Variants in PCDH11X observed in about 807,000 individuals in gnomAD.
PCDH11X encodes protocadherin 11 X-linked, also known as protocadherin-11 X-linked.
PCDH11X carries 18 observed loss-of-function variants against 53.3 expected under a neutral mutation model. The ratio of observed to expected loss-of-function variants is 0.34; its 90% CI spans 0.23 to 0.50. The LOEUF is 0.50. PCDH11X is among the 20% of genes least tolerant of loss of function. PCDH11X has a pLI of 0.98. For synonymous variants in PCDH11X, 279 were observed against 393.3 expected (o/e 0.71, Z 3.44); for missense variants, 570 against 1,032.4 (o/e 0.55, Z 6.14).
chrX:91,950,569 T>A (rs1362441183), intron 6 of PCDH11X, among the ~76,000 whole-genome samples: 3 of 85,204 alleles, frequency 3.5e-5, no homozygotes, highest in Non-Finnish European at 6.5e-5. Context: ...TAAATGTGAT[T>A]GATATATATA....
intron 4 of PCDH11X, among the ~76,000 whole-genome samples, chrX:91,814,883 G>GC (rs1936405794): frequency 9.4e-6 from 1 of 105,847 alleles, no homozygotes; most frequent in Non-Finnish European, 1.9e-5. Context: ...GATTAGACTT[G>GC]TCTTTGTGAG....
chrX:91,957,755 A>T (rs1200237802), intron 6 of PCDH11X, among the ~76,000 whole-genome samples: 30 of 109,011 alleles, frequency 2.8e-4, no homozygotes, highest in Non-Finnish European at 5.5e-4. Flanking sequence ...GAGATAAGGG[A>T]TCTGCCCCTA....
chrX:92,036,836 G>T (rs909279563), intron 6 of PCDH11X, among the ~76,000 whole-genome samples: 1 of 110,524 alleles, frequency 9.0e-6, no homozygotes, highest in Non-Finnish European at 1.9e-5. Context: ...CTTTGCCCAA[G>T]ATTCTGATAG....
At chrX:92,364,885 G>T (rs1338656278) in intron 8 of PCDH11X, among the ~76,000 whole-genome samples, 1 of 84,043 alleles carries the variant, frequency 1.2e-5, no homozygotes, top group Non-Finnish European at 2.2e-5. Context: ...CTCCACTCCA[G>T]CCTGGGAAAC....
intron 7 of PCDH11X, among the ~76,000 whole-genome samples, chrX:92,239,402 C>G (rs1299458259): frequency 1.8e-5 from 2 of 111,419 alleles, no homozygotes; most frequent in South Asian, 3.7e-4. Flanking sequence ...GAGAAATAAA[C>G]TGGTTTCAAA....
At position 92,365,391 on chromosome X, in the gene PCDH11X, CTGT is replaced by C. The variant is rs773580481; in HGVS notation, c.3145-22331_3145-22329del. On this transcript the variant is annotated intron_variant, in intron 8 of 10. Coordinates refer to ENST00000682573, the MANE Select transcript of PCDH11X (RefSeq NM_032968.5). ...CCACTGGCAGTGCAGTAGGTTTTTG[CTGT>C]TGTTGTTGTTGTATTGTTTTTTTAA... 9.5e-3 allele frequency among the ~76,000 whole-genome samples: 1,049 copies of C among 109,932 alleles called. 18 individuals carry two copies. Among genetic ancestry groups the C allele is most frequent in the African/African-American group, 0.034 (1,015 of 30,124 alleles).
At chrX:92,503,732 G>A (rs181725262) in intron 10 of PCDH11X, among the ~76,000 whole-genome samples, 6 of 110,399 alleles carry the variant, frequency 5.4e-5, no homozygotes, top group African/African-American at 2.0e-4. Context: ...GTAGGGTTGG[G>A]GAAGAGCATC....
intron 4 of PCDH11X, among the ~76,000 whole-genome samples, chrX:91,817,605 T>C (rs943579015): frequency 9.0e-6 from 1 of 111,342 alleles, no homozygotes; most frequent in African/African-American, 3.3e-5. Flanking sequence ...CTTAGCCTTA[T>C]TGGACAATTG....
chrX:91,877,836 A>G lies in PCDH11X; in HGVS notation c.1596A>G (p.Lys532=), dbSNP rs762762024. 3.3e-6 allele frequency: 4 copies of G among 1,211,680 alleles called. No individual in the cohort carries two copies. The highest frequency in any genetic ancestry group is 2.2e-5 in the Admixed American group (1 of 46,031). Residue 532 remains lysine, a synonymous_variant, in exon 6 of 11, where the codon AAA becomes AAG. Coordinates refer to ENST00000682573, the MANE Select transcript of PCDH11X (RefSeq NM_032968.5). The part of the protein sequence containing the change: ...LTVVKKLDRE[K]EDKYLFTILA... Reference sequence around the variant, plus strand: ...TAGTGAAGAAACTAGATAGAGAAAAAGAGGATAAATATTTATTCACAATTC... The same window carrying G: ...TAGTGAAGAAACTAGATAGAGAAAAGGAGGATAAATATTTATTCACAATTC...
At chrX:92,555,946 C>T (rs1030490557) in intron 10 of PCDH11X, among the ~76,000 whole-genome samples, 1 of 108,965 alleles carries the variant, frequency 9.2e-6, no homozygotes, top group African/African-American at 3.3e-5. Flanking sequence ...AGGAAACTCA[C>T]AATTATGGCA....
intron 6 of PCDH11X, among the ~76,000 whole-genome samples, chrX:92,010,555 C>T (rs1274605239): frequency 9.0e-6 from 1 of 110,733 alleles, no homozygotes; most frequent in African/African-American, 3.3e-5. Context: ...CTTTCATTAC[C>T]TCATTAATTC....
At chrX:92,172,976 A>G (rs994069703) in intron 6 of PCDH11X, among the ~76,000 whole-genome samples, 1 of 111,836 alleles carries the variant, frequency 8.9e-6, no homozygotes, top group Non-Finnish European at 1.9e-5. Context: ...GTGTTTTTTC[A>G]TAAAATGTCC....
At chrX:92,120,222 G>A (rs1348228688) in intron 6 of PCDH11X, among the ~76,000 whole-genome samples, 19 of 98,236 alleles carry the variant, frequency 1.9e-4, no homozygotes, top group African/African-American at 5.6e-4. Flanking sequence ...GTGCAGTGGC[G>A]TGATCTTGGC....
chrX:92,049,459 A>AT (rs1386582663), intron 6 of PCDH11X, among the ~76,000 whole-genome samples: 1 of 110,485 alleles, frequency 9.1e-6, no homozygotes, highest in Non-Finnish European at 1.9e-5. Flanking sequence ...ATAAAAAAAA[A>AT]ACCAGAGCTT....
chrX:92,616,760 A>C (rs1201325466), intron 10 of PCDH11X, among the ~76,000 whole-genome samples: 1 of 109,013 alleles, frequency 9.2e-6, no homozygotes, highest in Non-Finnish European at 1.9e-5. Context: ...GATATCTGCA[A>C]AAACAGAAGA....
chrX:92,013,360 C>T (rs1376012642), intron 6 of PCDH11X, among the ~76,000 whole-genome samples: 3 of 111,306 alleles, frequency 2.7e-5, no homozygotes, highest in Non-Finnish European at 5.7e-5. Flanking sequence ...GAACTACAAA[C>T]CACTGCTCAA....
At chrX:92,277,150 C>T (rs778354152) in intron 8 of PCDH11X, among the ~76,000 whole-genome samples, 26 of 109,498 alleles carry the variant, frequency 2.4e-4, no homozygotes, top group African/African-American at 8.0e-4. Flanking sequence ...GACTCAGTGA[C>T]GCTTGGGGTT....
chrX:92,208,875 A>G (rs1405658709), intron 7 of PCDH11X, among the ~76,000 whole-genome samples: 1 of 110,565 alleles, frequency 9.0e-6, no homozygotes, highest in African/African-American at 3.3e-5. Context: ...GCCTCAAGAA[A>G]CTTACAATCA....
At chrX:91,843,263 A>ATGTGTGTGTGTGTG (rs3067347) in intron 5 of PCDH11X, among the ~76,000 whole-genome samples, 54 of 91,404 alleles carry the variant, frequency 5.9e-4, no homozygotes, top group African/African-American at 2.1e-3. Flanking sequence ...ATACATACTT[A>ATGTGTGTGTGTGTG]TGTGTGTGTG....
Sources: allele counts gnomAD v4.1 joint callset (sites outside exome capture counted in the v4.1 genomes callset), GRCh38; gene constraint gnomAD v4.1.1; transcripts MANE v1.5; gene names NCBI Gene and HGNC (gene_info 2026-07-23, HGNC 2026-07-21).